HGSNAT: variants seen among roughly 807,000 people sequenced by gnomAD.
HGSNAT encodes heparan-alpha-glucosaminide N-acetyltransferase, also known as transmembrane protein 76.
HGSNAT carries 59 observed loss-of-function variants against 85.2 expected under a neutral mutation model. The ratio of observed to expected loss-of-function variants is 0.69; its 90% CI spans 0.56 to 0.86. HGSNAT has a LOEUF of 0.86. Ranked by LOEUF, HGSNAT falls within the 40% of genes least tolerant of loss-of-function variation. The pLI is 0.00. For synonymous variants in HGSNAT, 321 were observed against 304.5 expected (o/e 1.05, Z -0.56); for missense variants, 756 against 777.1 (o/e 0.97, Z 0.32).
intron 11 of HGSNAT, among the ~76,000 whole-genome samples, chr8:43,183,437 G>A (rs991483290): frequency 6.6e-6 from 1 of 151,076 alleles, no homozygotes; most frequent in Non-Finnish European, 1.5e-5. Context: ...AAAATGCTAG[G>A]ACTACAGGTG....
chr8:43,175,460 T>C (rs2130759483), intron 9 of HGSNAT, among the ~76,000 whole-genome samples: 1 of 152,300 alleles, frequency 6.6e-6, no homozygotes, highest in South Asian at 2.1e-4. Flanking sequence ...TTGACTTGCA[T>C]TTCTCTGATG....
At chr8:43,164,577 C>T (rs554093334) in intron 5 of HGSNAT, among the ~76,000 whole-genome samples, 3 of 152,082 alleles carry the variant, frequency 2.0e-5, no homozygotes, top group East Asian at 1.9e-4. Context: ...CTCAGGAGTT[C>T]GAGACCAGCC....
Position 43,200,355 on chromosome 8 carries a change from G to A in HGSNAT, c.*786G>A, listed in dbSNP as rs1176472562. ...TCCAGCTGAGCCATCCCTGCTGGGT[G>A]ATGCTGGGCAAGACCCTTGGCCCGT... On this transcript the variant is annotated 3_prime_UTR_variant, in exon 18 of 18. Coordinates refer to ENST00000379644, the MANE Select transcript of HGSNAT (RefSeq NM_152419.3). 2 of 152,178 alleles carry A rather than the reference G, an allele frequency of 1.3e-5. No homozygotes were observed. Among genetic ancestry groups the A allele is most frequent in the African/African-American group, 4.8e-5 (2 of 41,414 alleles). 9.4% of individuals were successfully genotyped at this position (152,178 alleles called of 1,614,324 possible).
In HGSNAT at chr8:43,140,481, C is replaced by A. The variant is rs1315285243; in HGVS notation, c.-16C>A. The A allele has an allele frequency of 4.0e-6, 4 of 989,620 alleles. No individual in the cohort carries two copies. Among genetic ancestry groups the A allele is most frequent in the South Asian group, 9.1e-5 (2 of 22,016 alleles). The allele number at this position is 989,620 out of a possible 1,614,324, so 61.3% of individuals were successfully genotyped here. On this transcript the variant is annotated 5_prime_UTR_variant, in exon 1 of 18. Coordinates refer to ENST00000379644, the MANE Select transcript of HGSNAT (RefSeq NM_152419.3). Reference sequence around the variant, plus strand: ...GGCGCAGCGGGCAGGCAAGGGCGGCCGAGCGGGCGGCGGGCATGAGCGGGG... The same window carrying A: ...GGCGCAGCGGGCAGGCAAGGGCGGCAGAGCGGGCGGCGGGCATGAGCGGGG...
chr8:43,176,716 T>C (rs1366114204), intron 9 of HGSNAT, among the ~76,000 whole-genome samples: 2 of 152,198 alleles, frequency 1.3e-5, no homozygotes, highest in East Asian at 3.8e-4. Context: ...CCCTCTTCAA[T>C]TTCTTTCATC....
At chr8:43,145,804 C>G (rs1802696487) in intron 1 of HGSNAT, among the ~76,000 whole-genome samples, 1 of 152,012 alleles carries the variant, frequency 6.6e-6, no homozygotes, top group East Asian at 1.9e-4. Context: ...ATTCATGATT[C>G]TGCCATTCAA....
At position 43,197,667 on chromosome 8, in the gene HGSNAT, T is replaced by G. The variant is rs748509704; in HGVS notation, c.1543-5T>G. 2.5e-6 allele frequency: 4 copies of G among 1,608,632 alleles called. No homozygotes were observed. The Admixed American group carries it at 6.7e-5, about 27-fold the overall frequency. On this transcript the variant is annotated splice_region_variant and splice_polypyrimidine_tract_variant and intron_variant, in intron 15 of 17. Transcript: ENST00000379644. ...ATGTTAACATCCTTCTCTTCCCCAT[T>G]ACAGGGGCTCATTTCTGTTGCTCTG...
intron 1 of HGSNAT, 51 bp downstream of exon 1, chr8:43,140,665 C>T: frequency 1.0e-6 from 1 of 963,374 alleles, no homozygotes; most frequent in Non-Finnish European, 1.3e-6. Context: ...CGCAGCGTCT[C>T]CTCTCCGCGG....
At chr8:43,165,650 A>G (rs1220612129) in intron 5 of HGSNAT, among the ~76,000 whole-genome samples, 1 of 152,230 alleles carries the variant, frequency 6.6e-6, no homozygotes, top group Non-Finnish European at 1.5e-5. Context: ...TAAGAAAGTG[A>G]AACAGGCTGG....
At chr8:43,196,746 G>A (rs563527494) in intron 14 of HGSNAT, 10 of 599,374 alleles carry the variant, frequency 1.7e-5, no homozygotes, top group South Asian at 3.9e-5. Context: ...CAGAGAGGGC[G>A]TTCATCTCTG....
chr8:43,141,583 G>A (rs966813608), intron 1 of HGSNAT, among the ~76,000 whole-genome samples: 1 of 152,088 alleles, frequency 6.6e-6, no homozygotes, highest in South Asian at 2.1e-4. Context: ...GGGACGGTGG[G>A]AGTCACCTGT....
intron 11 of HGSNAT, among the ~76,000 whole-genome samples, chr8:43,185,164 T>G (rs1406995917): frequency 6.6e-6 from 1 of 152,234 alleles, no homozygotes; most frequent in Non-Finnish European, 1.5e-5. Context: ...TTTTTTCCAA[T>G]TCTGTGAAGA....
chr8:43,140,591 A>T lies in HGSNAT; in HGVS notation c.95A>T (p.Asp32Val). ...GCCCCCGGCGGCTCTTCGGGGCGCG[A>T]TGCCCAGGCCGCGCCGCCACGAGGT... ...LLAPGGSSGRDAQAAPPRDLD... is the reference protein window; with the variant it reads ...LLAPGGSSGRVAQAAPPRDLD... The change falls in exon 1 of 18, where the codon GAT (aspartate) becomes GTT (valine). Residue 32 changes from aspartate to valine, a missense_variant. Transcript: ENST00000379644. 3.2e-6 allele frequency: 4 copies of T among 1,235,458 alleles called. No homozygotes were observed. The highest frequency in any genetic ancestry group is 4.1e-6 in the Non-Finnish European group (4 of 981,336). The allele number at this position is 1,235,458 out of a possible 1,614,324, so 76.5% of individuals were successfully genotyped here. A position where few individuals can be genotyped will look rare whatever the true frequency, so the allele number is the denominator to read the frequency against.
chr8:43,194,993 T>A (rs567319865), intron 14 of HGSNAT, among the ~76,000 whole-genome samples: 1 of 152,286 alleles, frequency 6.6e-6, no homozygotes, highest in Non-Finnish European at 1.5e-5. Context: ...TCCTCTGTGC[T>A]ATCTAGTGGG....
rs1410211396 is a variant in HGSNAT at position 43,191,565 on chromosome 8, C to T, written c.1220C>T (p.Thr407Ile). Residue 407 changes from threonine to isoleucine, a missense_variant, in exon 12 of 18, where the codon ACA (threonine) becomes ATA (isoleucine). Transcript: ENST00000379644. ...LVLEGLWLGL[T>I]FLLPVPGCPT... Reference sequence around the variant, plus strand: ...CTGGAAGGCCTGTGGCTGGGCTTGACATTCCTCCTGCCAGTCCCTGGGTGC... The same window carrying T: ...CTGGAAGGCCTGTGGCTGGGCTTGATATTCCTCCTGCCAGTCCCTGGGTGC... 4.3e-6 allele frequency: 7 copies of T among 1,613,892 alleles called. No homozygotes were observed. The Admixed American group carries it at 6.7e-5, about 15-fold the overall frequency.
Position 43,161,438 on chromosome 8 carries a change from C to T in HGSNAT, c.494C>T (p.Pro165Leu). Residue 165 changes from proline (P) to leucine (L), a missense_variant and splice_region_variant, in exon 5 of 18, where the codon CCT (proline) becomes CTT (leucine). Coordinates refer to ENST00000379644, the MANE Select transcript of HGSNAT (RefSeq NM_152419.3). ...VNEDPVDSNL[P>L]VSIAFLIGLA... ...AATGTGTTTTCTTCTCTTTTTCTAG[C>T]TGTGAGCATTGCATTCCTTATTGGT... The T allele has an allele frequency of 2.5e-6, 4 of 1,612,296 alleles. No individual in the cohort carries two copies. The highest frequency in any genetic ancestry group is 3.4e-6 in the Non-Finnish European group (4 of 1,178,848).
chr8:43,150,196 GC>G (rs1160801683), intron 2 of HGSNAT, among the ~76,000 whole-genome samples: 5 of 151,948 alleles, frequency 3.3e-5, no homozygotes, highest in African/African-American at 1.2e-4. Context: ...CTTGTGATCC[GC>G]CCGCCTCAGC....
At chr8:43,183,564 G>A (rs1804207915) in intron 11 of HGSNAT, among the ~76,000 whole-genome samples, 1 of 150,436 alleles carries the variant, frequency 6.6e-6, no homozygotes, top group Non-Finnish European at 1.5e-5. Context: ...TCCGCCTCCT[G>A]GGTTCACGCC....
intron 14 of HGSNAT, chr8:43,194,410 A>G (rs958018231): frequency 1.0e-6 from 1 of 985,324 alleles, no homozygotes; most frequent in African/African-American, 1.7e-5. Flanking sequence ...AAAAGAAAAA[A>G]AGGTTTTCCT....
Sources: allele counts gnomAD v4.1 joint callset (sites outside exome capture counted in the v4.1 genomes callset), GRCh38; gene constraint gnomAD v4.1.1; transcripts MANE v1.5; gene names NCBI Gene and HGNC (gene_info 2026-07-23, HGNC 2026-07-21).